The following HMBOX1 variants were observed in gnomAD, a reference collection of about 807,000 sequenced individuals.
HMBOX1 encodes the protein homeobox-containing protein 1.
In HMBOX1, 14 loss-of-function variants were observed where a neutral mutation model predicts 54.5. That is an observed-to-expected ratio of 0.26 (90% confidence interval 0.17 to 0.40). The LOEUF is 0.40. Among genes scored for constraint, HMBOX1 ranks in the 10% least tolerant of loss-of-function variants. HMBOX1 has a pLI of 1.00. For missense variants in HMBOX1, 332 were observed against 514.4 expected, an observed-to-expected ratio of 0.65 and a Z score of 3.43; for synonymous variants, 160 against 181.0, an observed-to-expected ratio of 0.88 and a Z score of 0.93.
chr8:28,987,604 A>T (rs928336209), intron 4 of HMBOX1, among the ~76,000 whole-genome samples: 6 of 152,214 alleles, frequency 3.9e-5, no homozygotes, highest in Non-Finnish European at 5.9e-5. Flanking sequence ...GCAGTAAAGA[A>T]TTATCCTATT....
chr8:28,933,061 A>C (rs986963073), intron 1 of HMBOX1, among the ~76,000 whole-genome samples: 1 of 152,210 alleles, frequency 6.6e-6, no homozygotes, highest in Non-Finnish European at 1.5e-5. Flanking sequence ...GTCCAAGTCC[A>C]GTCAGATCCT....
intron 6 of HMBOX1, among the ~76,000 whole-genome samples, chr8:29,040,569 G>T (rs1186590705): frequency 1.3e-5 from 2 of 152,152 alleles, no homozygotes. Context: ...GAAGAAAGTT[G>T]TGCTAACAGT....
chr8:29,009,904 CAT>C (rs879834379), intron 5 of HMBOX1: 37 of 1,108,912 alleles, frequency 3.3e-5, no homozygotes, highest in East Asian at 1.6e-4. Context: ...AGCCTGCCCT[CAT>C]GTGTAAATTT....
chr8:28,982,448 T>G (rs1187279415), intron 4 of HMBOX1, among the ~76,000 whole-genome samples: 1 of 151,860 alleles, frequency 6.6e-6, no homozygotes, highest in Non-Finnish European at 1.5e-5. Context: ...TTTTACTTTT[T>G]TGTTTGTTTG....
At chr8:28,961,648 A>G (rs1162538592) in intron 1 of HMBOX1, among the ~76,000 whole-genome samples, 1 of 152,176 alleles carries the variant, frequency 6.6e-6, no homozygotes, top group Non-Finnish European at 1.5e-5. Flanking sequence ...TTTGTGAATA[A>G]TGCTGCTGTG....
rs544311950 is a variant in HMBOX1 at position 29,045,526 on chromosome 8, C to T, written c.934+83C>T. The T allele has an allele frequency of 7.1e-5, 76 of 1,067,022 alleles. 1 individual carries two copies. The highest frequency in any genetic ancestry group is 6.6e-4 in the South Asian group (52 of 78,528). The allele number at this position is 1,067,022 out of a possible 1,614,324, so 66.1% of individuals were successfully genotyped here. On this transcript the variant is annotated intron_variant, in intron 7 of 9. Coordinates refer to ENST00000287701, the MANE Select transcript of HMBOX1 (RefSeq NM_001135726.3). ...GGCATCTAGGACACTTAATCTTATG[C>T]GTGCCTTGGCATGGTGCTCCCGGCT...
chr8:29,037,824 G>A (rs1804153997), intron 6 of HMBOX1, among the ~76,000 whole-genome samples: 1 of 152,140 alleles, frequency 6.6e-6, no homozygotes, highest in Non-Finnish European at 1.5e-5. Context: ...TATGTTTAAA[G>A]CTGGTTTTTT....
chr8:28,995,826 G>A (rs889930429), intron 4 of HMBOX1, among the ~76,000 whole-genome samples: 1 of 152,168 alleles, frequency 6.6e-6, no homozygotes, highest in Non-Finnish European at 1.5e-5. Flanking sequence ...TATTTGGCTG[G>A]GCGCGGTGGC....
chr8:29,025,834 T>C (rs573842827), intron 6 of HMBOX1, among the ~76,000 whole-genome samples: 3 of 152,262 alleles, frequency 2.0e-5, no homozygotes, highest in Admixed American at 2.0e-4. Flanking sequence ...TAACCTCAAG[T>C]GGGTCTTTAA....
intron 1 of HMBOX1, among the ~76,000 whole-genome samples, chr8:28,951,033 GC>G (rs1823318981): frequency 6.6e-6 from 1 of 152,176 alleles, no homozygotes; most frequent in Admixed American, 6.5e-5. Context: ...GTAGCCTGGA[GC>G]CTCTTGTCCA....
chr8:29,004,854 C>T (rs1157389292), intron 4 of HMBOX1, among the ~76,000 whole-genome samples: 1 of 152,084 alleles, frequency 6.6e-6, no homozygotes, highest in Admixed American at 6.5e-5. Flanking sequence ...GCTTATGAGA[C>T]CGTGTTCAGC....
intron 3 of HMBOX1, among the ~76,000 whole-genome samples, chr8:28,977,045 C>G (rs1828522493): frequency 6.6e-6 from 1 of 152,114 alleles, no homozygotes; most frequent in African/African-American, 2.4e-5. Flanking sequence ...TACTTAGAGA[C>G]TTGTCAAATA....
At chr8:28,992,443 C>T (rs936875106) in intron 4 of HMBOX1, among the ~76,000 whole-genome samples, 2 of 152,118 alleles carry the variant, frequency 1.3e-5, no homozygotes, top group Non-Finnish European at 2.9e-5. Context: ...AGCTAAGTTT[C>T]CTGAGGCTAA....
intron 1 of HMBOX1, among the ~76,000 whole-genome samples, chr8:28,940,855 A>G (rs1400718958): frequency 6.6e-6 from 1 of 152,238 alleles, no homozygotes; most frequent in African/African-American, 2.4e-5. Flanking sequence ...CACATATAAA[A>G]TTACGTTAAA....
chr8:28,982,595 G>C (rs1043152771), intron 4 of HMBOX1, among the ~76,000 whole-genome samples: 1 of 151,472 alleles, frequency 6.6e-6, no homozygotes, highest in African/African-American at 2.4e-5. Context: ...GACTACAGTT[G>C]TGCACCACCA....
At position 28,948,609 on chromosome 8, in the gene HMBOX1, C is replaced by G. The variant is rs147448950; in HGVS notation, c.-57-15202C>G. Among the ~76,000 whole-genome samples the G allele has an allele frequency of 3.2e-3, 492 of 152,224 alleles. 3 individuals are homozygous for G. The highest frequency in any genetic ancestry group is 0.011 in the African/African-American group (467 of 41,550). On this transcript the variant is annotated intron_variant, in intron 1 of 9. Transcript: ENST00000287701. ...TTTGAATGACATGCATTTAGTAGATCTTGAGTTTCTGAATGTCTGGAATTT... is the reference window on the plus strand; with the variant it reads ...TTTGAATGACATGCATTTAGTAGATGTTGAGTTTCTGAATGTCTGGAATTT...
chr8:28,896,708 A>G (rs949332282), intron 1 of HMBOX1, among the ~76,000 whole-genome samples: 1 of 123,908 alleles, frequency 8.1e-6, no homozygotes, highest in Non-Finnish European at 2.0e-5. Context: ...ATACAGTAAC[A>G]TGCTGTACAG....
chr8:28,980,902 A>T (rs1486168825), intron 4 of HMBOX1, among the ~76,000 whole-genome samples: 1 of 152,164 alleles, frequency 6.6e-6, no homozygotes, highest in Non-Finnish European at 1.5e-5. Context: ...ACATTGTTGT[A>T]CTTTGCATAT....
chr8:28,912,895 A>G (rs946702957), intron 1 of HMBOX1, among the ~76,000 whole-genome samples: 4 of 152,186 alleles, frequency 2.6e-5, no homozygotes, highest in Admixed American at 2.0e-4. Flanking sequence ...TTATGCTTTA[A>G]AAAACATACT....
Sources: gnomAD v4.1 joint callset for allele counts (sites outside exome capture counted in the v4.1 genomes callset) on GRCh38, gnomAD v4.1.1 for gene constraint, MANE v1.5 for transcripts, NCBI Gene and HGNC (gene_info 2026-07-23, HGNC 2026-07-21) for gene names.